Variants in ARHGEF12 observed in about 807,000 individuals in gnomAD.
ARHGEF12 encodes Rho guanine nucleotide exchange factor 12.
Under a neutral mutation model 211.2 loss-of-function variants are expected in ARHGEF12, and 66 were observed. The ratio of observed to expected loss-of-function variants is 0.31; its 90% CI spans 0.26 to 0.38. The LOEUF (loss-of-function observed/expected upper bound fraction) is 0.38. Among genes scored for constraint, ARHGEF12 ranks in the 10% least tolerant of loss-of-function variants. The pLI is 1.00. For synonymous variants in ARHGEF12, 592 were observed against 638.4 expected (o/e 0.93, Z 1.09); for missense variants, 1,429 against 1,869.5 (o/e 0.76, Z 4.34).
Position 120,440,212 on chromosome 11 carries a change from A to C in ARHGEF12, c.1083A>C (p.Glu361Asp), listed in dbSNP as rs370519171. ...CAGAAGATGATGATTTTGGTACTGA[A>C]CATGAACAGGTGATGACTTTTTTCT... ...IGAEDDDFGTEHEQINGQCSC... is the reference protein window; with the variant it reads ...IGAEDDDFGTDHEQINGQCSC... The change falls in exon 13 of 41, where the codon GAA becomes GAC. Residue 361 changes from glutamate (E) to aspartate (D), a missense_variant. Transcript: ENST00000397843. The C allele has an allele frequency of 2.1e-5, 34 of 1,612,274 alleles. No homozygotes were observed. The highest frequency in any genetic ancestry group is 3.3e-4 in the Middle Eastern group (2 of 6,082).
At chr11:120,403,357 A>C (rs920931117) in intron 1 of ARHGEF12, among the ~76,000 whole-genome samples, 2 of 152,150 alleles carry the variant, frequency 1.3e-5, no homozygotes, top group South Asian at 2.1e-4. Context: ...AAATACAAAA[A>C]TTAGCTGGGC....
intron 7 of ARHGEF12, among the ~76,000 whole-genome samples, chr11:120,425,312 T>C (rs1337560764): frequency 1.3e-5 from 2 of 152,084 alleles, no homozygotes; most frequent in Non-Finnish European, 2.9e-5. Flanking sequence ...CTTACCTGCT[T>C]TCCAAGAGAG....
intron 1 of ARHGEF12, among the ~76,000 whole-genome samples, chr11:120,352,445 T>TA (rs1482654274): frequency 6.6e-6 from 1 of 152,220 alleles, no homozygotes; most frequent in Admixed American, 6.5e-5. Flanking sequence ...AGTTTTTTCT[T>TA]ATCAAGAATC....
Position 120,465,369 on chromosome 11 carries a change from T to A in ARHGEF12, c.2739+7T>A, listed in dbSNP as rs765277458. The A allele has an allele frequency of 4.0e-5, 64 of 1,613,840 alleles. No individual in the cohort carries two copies. The highest frequency in any genetic ancestry group is 5.2e-5 in the Non-Finnish European group (61 of 1,179,984). On this transcript the variant is annotated splice_region_variant and intron_variant, in intron 28 of 40. Coordinates refer to ENST00000397843, the MANE Select transcript of ARHGEF12 (RefSeq NM_015313.3). The stretch of plus-strand genomic sequence containing the variant: ...ATTTCAGACTTTTGTGCAAGTGAGT[T>A]GAGTGAGTCATGTAAGAAAAAAAAT...
chr11:120,400,311 CCT>C (rs1159010950), intron 1 of ARHGEF12, among the ~76,000 whole-genome samples: 5 of 151,864 alleles, frequency 3.3e-5, no homozygotes, highest in Admixed American at 6.6e-5. Context: ...ATGCATTGCC[CCT>C]GTTTTATAAG....
chr11:120,469,541 A>C (rs970280815), intron 30 of ARHGEF12, among the ~76,000 whole-genome samples, 153 bp downstream of exon 30: 1 of 152,228 alleles, frequency 6.6e-6, no homozygotes, highest in African/African-American at 2.4e-5. Flanking sequence ...GGTCAAGATC[A>C]ATCTGTGATA....
chr11:120,371,343 C>T (rs903454631), intron 1 of ARHGEF12, among the ~76,000 whole-genome samples: 3 of 152,174 alleles, frequency 2.0e-5, no homozygotes, highest in Admixed American at 6.5e-5. Context: ...ACAGAATTAG[C>T]TGGGTGTGCT....
intron 1 of ARHGEF12, among the ~76,000 whole-genome samples, chr11:120,388,083 C>T (rs1040748667): frequency 6.6e-6 from 1 of 152,150 alleles, no homozygotes; most frequent in Non-Finnish European, 1.5e-5. Flanking sequence ...CATAATTTCT[C>T]CGTCCCTCCA....
At chr11:120,426,439 C>G (rs1287649294) in intron 7 of ARHGEF12, among the ~76,000 whole-genome samples, 1 of 152,108 alleles carries the variant, frequency 6.6e-6, no homozygotes, top group Admixed American at 6.5e-5. Flanking sequence ...TCTGTAAAGC[C>G]TGGGTGTATG....
chr11:120,382,257 T>C (rs1943898244), intron 1 of ARHGEF12, among the ~76,000 whole-genome samples: 6 of 152,278 alleles, frequency 3.9e-5, no homozygotes. Context: ...CGACTGCTTT[T>C]GTTCTTTATA....
intron 1 of ARHGEF12, among the ~76,000 whole-genome samples, chr11:120,356,315 G>T (rs1591494321): frequency 6.6e-6 from 1 of 152,160 alleles, no homozygotes; most frequent in South Asian, 2.1e-4. Flanking sequence ...CTGCCTCCTG[G>T]GTTCAAGCGA....
chr11:120,381,096 A>C lies in ARHGEF12; in HGVS notation c.33-25022A>C, dbSNP rs115637454. Among the ~76,000 whole-genome samples, 1,208 of 152,346 alleles carry C rather than the reference A, an allele frequency of 7.9e-3. 14 individuals are homozygous for C. The highest frequency in any genetic ancestry group is 0.026 in the African/African-American group (1,085 of 41,580). Reference sequence around the variant, plus strand: ...CTAGCATTCCTTTTATTTAGGAACCAAAATGTAGTTACTAGGTGTGCTCAT... The same window carrying C: ...CTAGCATTCCTTTTATTTAGGAACCCAAATGTAGTTACTAGGTGTGCTCAT... On this transcript the variant is annotated intron_variant, in intron 1 of 40. Coordinates refer to ENST00000397843, the MANE Select transcript of ARHGEF12 (RefSeq NM_015313.3).
intron 1 of ARHGEF12, among the ~76,000 whole-genome samples, chr11:120,347,145 TTCC>T (rs56816116): frequency 0.35 from 32,554 of 93,014 alleles, 5,579 homozygotes; most frequent in South Asian, 0.53. Flanking sequence ...CCTTCCTTCC[TTCC>T]TTCCTTCCTT....
chr11:120,448,316 C>T lies in ARHGEF12; in HGVS notation c.1705C>T (p.Arg569Trp), dbSNP rs1193331788. 6 of 1,614,034 alleles carry T rather than the reference C, an allele frequency of 3.7e-6. No homozygotes were observed. Among genetic ancestry groups the T allele is most frequent in the Admixed American group, 3.3e-5 (2 of 60,020 alleles). The change falls in exon 20 of 41, where the codon CGG becomes TGG. Residue 569 changes from arginine (R) to tryptophan (W), a missense_variant. By Grantham distance (101) the Arg-to-Trp change is moderately radical. Coordinates refer to ENST00000397843, the MANE Select transcript of ARHGEF12 (RefSeq NM_015313.3). ...AGAGCCTCGAAATTTGGAGCACAAA[C>T]GGGGTCGGATTGGATTTCTTCCCAA... ...VKEPRNLEHK[R>W]GRIGFLPKIK...
chr11:120,451,585 A>G lies in ARHGEF12; in HGVS notation c.1917A>G (p.Glu639=), dbSNP rs1946216607. The part of the protein sequence containing the change: ...HLSTPSSVSP[E]PQDSAKLRQS... The stretch of plus-strand genomic sequence containing the variant: ...CCACACCCTCATCTGTGAGTCCTGA[A>G]CCTCAGGACTCTGCCAAGTTGCGCC... Residue 639 remains glutamate, a synonymous_variant, in exon 22 of 41, where the codon GAA becomes GAG. Coordinates refer to ENST00000397843, the MANE Select transcript of ARHGEF12 (RefSeq NM_015313.3). 1 of 1,613,990 alleles carries G rather than the reference A, an allele frequency of 6.2e-7. No homozygotes were observed. The highest frequency in any genetic ancestry group is 8.5e-7 in the Non-Finnish European group (1 of 1,180,026).
intron 1 of ARHGEF12, among the ~76,000 whole-genome samples, chr11:120,382,037 T>C (rs530328879): frequency 6.6e-6 from 1 of 152,358 alleles, no homozygotes; most frequent in East Asian, 1.9e-4. Flanking sequence ...TAAAAATTGT[T>C]GTACTATTCC....
intron 1 of ARHGEF12, among the ~76,000 whole-genome samples, chr11:120,396,426 C>T (rs556704518): frequency 1.5e-4 from 23 of 152,244 alleles, no homozygotes; most frequent in South Asian, 8.3e-4. Flanking sequence ...AGGGAGACGT[C>T]GAGCAACCAC....
chr11:120,427,423 C>G (rs1344237833), intron 7 of ARHGEF12, among the ~76,000 whole-genome samples: 1 of 152,042 alleles, frequency 6.6e-6, no homozygotes, highest in East Asian at 1.9e-4. Context: ...AAGATCTAGG[C>G]CAGGTGCTGT....
Position 120,484,445 on chromosome 11 carries a change from A to T in ARHGEF12, c.4562A>T (p.Glu1521Val). The T allele has an allele frequency of 6.2e-7, 1 of 1,613,906 alleles. No individual in the cohort carries two copies. Among genetic ancestry groups the T allele is most frequent in the Non-Finnish European group, 8.5e-7 (1 of 1,179,908 alleles). ...ATGGGTTTTATTTCACAGAAGGTGG[A>T]GGAAAGTTACACCATTCTTTGCCAA... ...EADLEHLKKV[E>V]ESYTILCQRL... The change falls in exon 40 of 41, where the codon GAG (glutamate) becomes GTG (valine). Residue 1521 changes from glutamate to valine, a missense_variant. Physicochemically the swap from Glu to Val is moderately radical, Grantham distance 121. Transcript: ENST00000397843.
Sources: allele counts gnomAD v4.1 joint callset (sites outside exome capture counted in the v4.1 genomes callset), GRCh38; gene constraint gnomAD v4.1.1; transcripts MANE v1.5; gene names NCBI Gene and HGNC (gene_info 2026-07-23, HGNC 2026-07-21).